Variants in GRIK4 observed in about 807,000 individuals in gnomAD.
GRIK4 encodes the protein glutamate ionotropic receptor kainate type subunit 4, also known as glutamate receptor ionotropic, kainate 4.
GRIK4 carries 40 observed loss-of-function variants against 104.9 expected under a neutral mutation model. That is an observed-to-expected ratio of 0.38 (90% CI 0.30 to 0.50). The LOEUF is 0.50. GRIK4 is among the 20% of genes least tolerant of loss of function. The pLI, the probability that GRIK4 is intolerant of heterozygous loss-of-function variation, is 0.93. For missense variants in GRIK4, 1,047 were observed against 1,308.1 expected (o/e 0.80, Z 3.08); for synonymous variants, 485 against 524.9 (o/e 0.92, Z 1.04).
At chr11:120,657,532 C>T (rs1476652248) in intron 2 of GRIK4, among the ~76,000 whole-genome samples, 2 of 152,170 alleles carry the variant, frequency 1.3e-5, no homozygotes, top group Non-Finnish European at 2.9e-5. Flanking sequence ...TAAATAGACC[C>T]TGGGGATGCA....
chr11:120,607,719 G>T (rs1948979486), intron 1 of GRIK4, among the ~76,000 whole-genome samples: 1 of 152,126 alleles, frequency 6.6e-6, no homozygotes, highest in African/African-American at 2.4e-5. Flanking sequence ...GGCTTTATTT[G>T]GGTAGAGATG....
intron 1 of GRIK4, among the ~76,000 whole-genome samples, chr11:120,519,954 G>A (rs1048409249): frequency 2.7e-5 from 4 of 149,528 alleles, no homozygotes; most frequent in African/African-American, 5.0e-5. Context: ...GTGCAGAGGC[G>A]CGATCTTGGC....
chr11:120,982,144 C>A lies in GRIK4; in HGVS notation c.2434C>A (p.Leu812Ile). 6.2e-7 allele frequency: 1 copy of A among 1,612,846 alleles called. No individual in the cohort carries two copies. Among genetic ancestry groups the A allele is most frequent in the South Asian group, 1.1e-5 (1 of 91,080 alleles). The change falls in exon 20 of 21, where the codon CTT (leucine) becomes ATT (isoleucine). Residue 812 changes from leucine to isoleucine, a missense_variant. Physicochemically the swap from Leu to Ile is conservative, Grantham distance 5. This residue lies in a region of GRIK4 where 440 missense variants were observed against 652.3 expected (regional missense o/e 0.67). Transcript: ENST00000527524. Reference sequence around the variant, plus strand: ...GAATATTGGTGGAATCTTTGTGGTTCTTATTTGTGGCTTAATCGTGGCCAT... The same window carrying A: ...GAATATTGGTGGAATCTTTGTGGTTATTATTTGTGGCTTAATCGTGGCCAT... ...MENIGGIFVV[L>I]ICGLIVAIFM...
In GRIK4 at chr11:120,952,745, G is replaced by A. The variant is rs1591323864; in HGVS notation, c.1591-110G>A. On this transcript the variant is annotated intron_variant, in intron 14 of 20. Coordinates refer to ENST00000527524, the MANE Select transcript of GRIK4 (RefSeq NM_014619.5). The surrounding 1 kb of genome is among the most constrained non-coding windows in gnomAD (Gnocchi z 5.2). ...CAATCACCCAGAACCCACAGAAATG[G>A]GAACTGGGGCCAGACCCACACTCAC... is the stretch of plus-strand genomic sequence containing the variant. 3.9e-6 allele frequency: 3 copies of A among 775,856 alleles called. No individual in the cohort carries two copies. Among genetic ancestry groups the A allele is most frequent in the South Asian group, 2.8e-5 (2 of 72,634 alleles). The allele number at this position is 775,856 out of a possible 1,614,324, so 48.1% of individuals were successfully genotyped here. A position where few individuals can be genotyped will look rare whatever the true frequency, so the allele number is the denominator to read the frequency against.
intron 1 of GRIK4, among the ~76,000 whole-genome samples, chr11:120,588,777 C>T (rs747975670): frequency 1.5e-4 from 23 of 152,102 alleles, no homozygotes; most frequent in Non-Finnish European, 2.9e-4. Context: ...TGGCCTCTAC[C>T]CACCAGATGC....
At chr11:120,680,605 ACT>A (rs72494636) in intron 3 of GRIK4, among the ~76,000 whole-genome samples, 19,487 of 152,050 alleles carry the variant, frequency 0.13, 1,356 homozygotes, top group South Asian at 0.23. Context: ...TGTAGGAATG[ACT>A]CATTCTTATC....
intron 11 of GRIK4, among the ~76,000 whole-genome samples, chr11:120,889,589 A>ATTTTTTTTTTTTTTTT (rs369264259): frequency 4.8e-5 from 3 of 62,498 alleles, no homozygotes; most frequent in Admixed American, 3.0e-4. Context: ...AAGAGCTTAC[A>ATTTTTTTTTTTTTTTT]TTTTTTTTTT....
chr11:120,911,301 C>T (rs1260956229), intron 13 of GRIK4, among the ~76,000 whole-genome samples: 6 of 149,234 alleles, frequency 4.0e-5, no homozygotes, highest in South Asian at 4.3e-4. Context: ...TGCAGTGGCG[C>T]GATCTCGACT....
At chr11:120,961,185 C>A in intron 17 of GRIK4, 111 bp downstream of exon 17, 1 of 1,038,864 alleles carries the variant, frequency 9.6e-7, no homozygotes. Flanking sequence ...CTCTTTTGAA[C>A]ATATAGTTTG....
intron 1 of GRIK4, among the ~76,000 whole-genome samples, chr11:120,519,916 G>A (rs556890603): frequency 4.5e-4 from 63 of 139,462 alleles, no homozygotes; most frequent in African/African-American, 1.7e-3. Flanking sequence ...TTTTTGAGAC[G>A]GGGTCTTACT....
At chr11:120,744,309 T>C (rs773587142) in intron 3 of GRIK4, among the ~76,000 whole-genome samples, 17 of 151,782 alleles carry the variant, frequency 1.1e-4, no homozygotes, top group Non-Finnish European at 2.1e-4. Flanking sequence ...GCTTCTTTTT[T>C]CCCCCCGGGC....
chr11:120,802,776 C>G lies in GRIK4; in HGVS notation c.166C>G (p.Pro56Ala). 6.2e-7 allele frequency: 1 copy of G among 1,614,156 alleles called. No homozygotes were observed. Among genetic ancestry groups the G allele is most frequent in the South Asian group, 1.1e-5 (1 of 91,080 alleles). The change falls in exon 4 of 21, where the codon CCT (proline) becomes GCT (alanine). Residue 56 changes from proline to alanine, a missense_variant. By Grantham distance (27) the Pro-to-Ala change is conservative. Coordinates refer to ENST00000527524, the MANE Select transcript of GRIK4 (RefSeq NM_014619.5). ...GGCCAAGAACCGCATCAACCGCGCT[C>G]CTGAGAGGCTGGGCAAGGCCAAGGT... is the stretch of plus-strand genomic sequence containing the variant. ...TLAKNRINRA[P>A]ERLGKAKVEV...
intron 1 of GRIK4, among the ~76,000 whole-genome samples, chr11:120,573,250 C>T (rs992602919): frequency 6.6e-6 from 1 of 152,154 alleles, no homozygotes; most frequent in Admixed American, 6.6e-5. Context: ...AAAGTTAATC[C>T]TGCCATTGTC....
chr11:120,657,209 A>G (rs1405278708), intron 2 of GRIK4, among the ~76,000 whole-genome samples: 1 of 152,212 alleles, frequency 6.6e-6, no homozygotes, highest in East Asian at 1.9e-4. Context: ...GATATAGTCC[A>G]AACAAGATTC....
intron 8 of GRIK4, among the ~76,000 whole-genome samples, chr11:120,857,007 C>A (rs998214346): frequency 2.0e-5 from 3 of 152,156 alleles, no homozygotes; most frequent in African/African-American, 7.2e-5. Flanking sequence ...CCTCCATGTT[C>A]CCAGACACCA....
At position 120,511,845 on chromosome 11, in the gene GRIK4, C is replaced by T; in HGVS notation, c.-201C>T. 5.7e-6 allele frequency: 2 copies of T among 351,418 alleles called. No homozygotes were observed. Among genetic ancestry groups the T allele is most frequent in the Non-Finnish European group, 1.2e-5 (2 of 172,694 alleles). The allele number at this position is 351,418 out of a possible 1,614,324, so 21.8% of individuals were successfully genotyped here. A position where few individuals can be genotyped will look rare whatever the true frequency, so the allele number is the denominator to read the frequency against. On this transcript the variant is annotated 5_prime_UTR_variant, in exon 1 of 21. Coordinates refer to ENST00000527524, the MANE Select transcript of GRIK4 (RefSeq NM_014619.5). ...AGCAGCCCCGCGGCCGGCCCGGCAGCGCCCGGCCCCCGGCTCAGCCCCCGG... is the reference window on the plus strand; with the variant it reads ...AGCAGCCCCGCGGCCGGCCCGGCAGTGCCCGGCCCCCGGCTCAGCCCCCGG...
chr11:120,778,935 C>G (rs1290623430), intron 3 of GRIK4, among the ~76,000 whole-genome samples: 2 of 152,198 alleles, frequency 1.3e-5, no homozygotes, highest in Non-Finnish European at 2.9e-5. Context: ...GGGTGCAGAA[C>G]TTCTCAGACT....
At chr11:120,913,856 T>TA (rs36119057) in intron 13 of GRIK4, among the ~76,000 whole-genome samples, 71,902 of 132,684 alleles carry the variant, frequency 0.54, 20,478 homozygotes, top group East Asian at 0.82. Context: ...TTTGCTGAAC[T>TA]AAAAAAAAAA....
chr11:120,600,616 A>G (rs982382098), intron 1 of GRIK4, among the ~76,000 whole-genome samples: 1 of 151,726 alleles, frequency 6.6e-6, no homozygotes, highest in South Asian at 2.1e-4. Context: ...GGGTCTGGGG[A>G]CCCTCTCCCC....
Sources: allele counts gnomAD v4.1 joint callset (sites outside exome capture counted in the v4.1 genomes callset), GRCh38; gene constraint gnomAD v4.1.1; regional missense constraint gnomAD v4.1.1; non-coding constraint Gnocchi (gnomAD v3.1); transcripts MANE v1.5; gene names NCBI Gene and HGNC (gene_info 2026-07-23, HGNC 2026-07-21).